CAPZB: variants seen among roughly 807,000 people sequenced by gnomAD.
CAPZB encodes capping actin protein of muscle Z-line subunit beta, also known as F-actin-capping protein subunit beta.
A neutral mutation model predicts 38.1 loss-of-function variants in CAPZB; 2 were observed. The ratio of observed to expected loss-of-function variants is 0.05; its 90% CI spans 0.02 to 0.17. The LOEUF is 0.17. Ranked by LOEUF, CAPZB falls within the 10% of genes least tolerant of loss-of-function variation. The pLI is 1.00. For synonymous variants in CAPZB, 107 were observed against 127.4 expected (o/e 0.84, Z 1.08); for missense variants, 161 against 334.2 (o/e 0.48, Z 4.04).
chr1:19,433,384 G>A (rs1269185773), intron 1 of CAPZB, among the ~76,000 whole-genome samples: 1 of 152,184 alleles, frequency 6.6e-6, no homozygotes, highest in Non-Finnish European at 1.5e-5. Context: ...TGTCGACCAC[G>A]TGTTCACTGA....
chr1:19,446,864 T>C (rs1337249374), intron 1 of CAPZB, among the ~76,000 whole-genome samples: 1 of 152,222 alleles, frequency 6.6e-6, no homozygotes, highest in East Asian at 1.9e-4. Context: ...TCCTTTCATA[T>C]GTATTTAGTG....
Position 19,426,446 on chromosome 1 carries a change from G to C in CAPZB, c.4-6696C>G, listed in dbSNP as rs546466547. On this transcript the variant is annotated intron_variant, in intron 1 of 8. Transcript: ENST00000264202. ...ACTCCTCCCACTTGTGGTGGGGCGG[G>C]GGGGGGCTGTGTCCCCTCCGCCTTG... 9.7e-3 allele frequency among the ~76,000 whole-genome samples: 1,469 copies of C among 152,154 alleles called. 18 individuals are homozygous for C. The highest frequency in any genetic ancestry group is 0.027 in the South Asian group (131 of 4,822).
At chr1:19,395,409 A>G (rs187656463) in intron 2 of CAPZB, among the ~76,000 whole-genome samples, 168 of 152,288 alleles carry the variant, frequency 1.1e-3, no homozygotes, top group African/African-American at 3.9e-3. Context: ...CCATCCAGAG[A>G]TAAATAATAA....
chr1:19,353,697 G>A (rs1389368862), intron 6 of CAPZB, among the ~76,000 whole-genome samples: 1 of 152,146 alleles, frequency 6.6e-6, no homozygotes, highest in Non-Finnish European at 1.5e-5. Flanking sequence ...TCAGATCATT[G>A]GACTCCCTAG....
intron 2 of CAPZB, among the ~76,000 whole-genome samples, chr1:19,405,594 G>C (rs2094327607): frequency 6.8e-6 from 1 of 146,884 alleles, no homozygotes; most frequent in South Asian, 2.2e-4. Flanking sequence ...AATCCTTTCA[G>C]CCTGGGGCAA....
At chr1:19,353,095 C>T (rs1303229853) in intron 6 of CAPZB, among the ~76,000 whole-genome samples, 1 of 152,248 alleles carries the variant, frequency 6.6e-6, no homozygotes, top group African/African-American at 2.4e-5. Context: ...CAGGGAAGGG[C>T]AGCTGCCGCT....
chr1:19,345,483 G>A (rs1438985607), intron 6 of CAPZB, among the ~76,000 whole-genome samples: 1 of 152,226 alleles, frequency 6.6e-6, no homozygotes, highest in Non-Finnish European at 1.5e-5. Flanking sequence ...TTCCAAGGGA[G>A]AAGATTTTGC....
chr1:19,385,830 T>A (rs2094201149), intron 2 of CAPZB: 1 of 729,024 alleles, frequency 1.4e-6, no homozygotes, highest in Non-Finnish European at 2.6e-6. Context: ...CATTCTTGAA[T>A]TACAGTGGAG....
intron 1 of CAPZB, among the ~76,000 whole-genome samples, chr1:19,476,930 A>G (rs2094608895): frequency 6.6e-6 from 1 of 152,222 alleles, no homozygotes; most frequent in South Asian, 2.1e-4. Context: ...GGGGAATTCC[A>G]TCAGCATGCG....
intron 2 of CAPZB, among the ~76,000 whole-genome samples, chr1:19,403,626 T>A (rs1181535333): frequency 1.3e-5 from 2 of 152,230 alleles, no homozygotes; most frequent in African/African-American, 4.8e-5. Context: ...TTGGCAAGAC[T>A]ACTCTGTATG....
chr1:19,478,281 T>G (rs1469569618), intron 1 of CAPZB, among the ~76,000 whole-genome samples: 5 of 152,146 alleles, frequency 3.3e-5, no homozygotes, highest in Non-Finnish European at 5.9e-5. Flanking sequence ...GTTGGGAAGT[T>G]AAATGAAACA....
chr1:19,339,360 G>A lies in CAPZB; in HGVS notation c.*170C>T, dbSNP rs980047627. On this transcript the variant is annotated 3_prime_UTR_variant, in exon 9 of 9. Coordinates refer to ENST00000264202, the MANE Select transcript of CAPZB (RefSeq NM_004930.5). ...AGAAGCAGGCTCGGAGCCGGAGGAGGGTGGCTATCGGCTTTATTCTCAGGG... is the reference window on the plus strand; with the variant it reads ...AGAAGCAGGCTCGGAGCCGGAGGAGAGTGGCTATCGGCTTTATTCTCAGGG... 1 of 670,108 alleles carries A rather than the reference G, an allele frequency of 1.5e-6. No homozygotes were observed. Among genetic ancestry groups the A allele is most frequent in the South Asian group, 1.7e-5 (1 of 57,834 alleles). The allele number at this position is 670,108 out of a possible 1,614,324, so 41.5% of individuals were successfully genotyped here.
At chr1:19,382,809 AAATAT>A (rs2094182494) in intron 3 of CAPZB, among the ~76,000 whole-genome samples, 1 of 152,192 alleles carries the variant, frequency 6.6e-6, no homozygotes, top group African/African-American at 2.4e-5. Context: ...TGGAAATAAT[AAATAT>A]AATAATGATG....
intron 1 of CAPZB, chr1:19,484,376 C>G: frequency 6.5e-7 from 1 of 1,538,758 alleles, no homozygotes; most frequent in Admixed American, 2.0e-5. Flanking sequence ...CTGTGGGCCA[C>G]CCATCCTCGC....
chr1:19,482,428 T>C (rs893399694), intron 1 of CAPZB, among the ~76,000 whole-genome samples: 1 of 152,236 alleles, frequency 6.6e-6, no homozygotes, highest in Non-Finnish European at 1.5e-5. Flanking sequence ...CAAAACCATC[T>C]GTGAGCTGGA....
intron 1 of CAPZB, among the ~76,000 whole-genome samples, chr1:19,447,814 G>C (rs2094501689): frequency 6.6e-6 from 1 of 152,240 alleles, no homozygotes; most frequent in Admixed American, 6.5e-5. Flanking sequence ...GGCCTTGCCA[G>C]AATGCTGGGC....
intron 6 of CAPZB, among the ~76,000 whole-genome samples, chr1:19,353,100 G>A (rs1026514226): frequency 6.6e-6 from 1 of 152,254 alleles, no homozygotes; most frequent in Non-Finnish European, 1.5e-5. Flanking sequence ...AAGGGCAGCT[G>A]CCGCTGCTGC....
Position 19,357,386 on chromosome 1 carries a change from T to C in CAPZB, c.471+36A>G, listed in dbSNP as rs1354451015. The C allele has an allele frequency of 6.2e-7, 1 of 1,609,092 alleles. No individual in the cohort carries two copies. On this transcript the variant is annotated intron_variant, in intron 5 of 8. Coordinates refer to ENST00000264202, the MANE Select transcript of CAPZB (RefSeq NM_004930.5). This position sits in a 1 kb window ranked among gnomAD's most constrained non-coding sequence, Gnocchi z 4.3. ...CACTGGTTGGTGTGCCATCTGTACT[T>C]AGTGGCCCGGGCCACCAGCTGCTGG...
intron 1 of CAPZB, among the ~76,000 whole-genome samples, chr1:19,467,044 C>G (rs1191974887): frequency 1.3e-5 from 2 of 150,556 alleles, no homozygotes; most frequent in Non-Finnish European, 3.0e-5. Flanking sequence ...TCCAGATGCA[C>G]CATCACACCC....
Sources: allele counts gnomAD v4.1 joint callset (sites outside exome capture counted in the v4.1 genomes callset), GRCh38; gene constraint gnomAD v4.1.1; non-coding constraint Gnocchi (gnomAD v3.1); transcripts MANE v1.5; gene names NCBI Gene and HGNC (gene_info 2026-07-23, HGNC 2026-07-21).